VAT1L: variants seen among roughly 807,000 people sequenced by gnomAD.
VAT1L encodes putative NADPH-dependent quinone oxidoreductase VAT1L.
Under a neutral mutation model 44.1 loss-of-function variants are expected in VAT1L, and 34 were observed. The ratio of observed to expected loss-of-function variants is 0.77; its 90% CI spans 0.59 to 1.03. The LOEUF is 1.03. Ranked by LOEUF, VAT1L falls within the 50% of genes least tolerant of loss-of-function variation. The pLI is 0.00. For synonymous variants in VAT1L, 253 were observed against 202.2 expected (o/e 1.25, Z -2.13); for missense variants, 615 against 538.8 (o/e 1.14, Z -1.40).
intron 3 of VAT1L, among the ~76,000 whole-genome samples, chr16:77,841,065 A>G (rs537273450): frequency 6.6e-6 from 1 of 152,306 alleles, no homozygotes; most frequent in Admixed American, 6.5e-5. Flanking sequence ...ATGGCCTTGT[A>G]TGCACCAATA....
intron 2 of VAT1L, among the ~76,000 whole-genome samples, chr16:77,822,475 G>C (rs2016467519): frequency 1.3e-5 from 2 of 152,148 alleles, no homozygotes; most frequent in South Asian, 2.1e-4. Context: ...GTCACCACTA[G>C]TGTGGAGAGC....
chr16:77,887,493 G>T (rs2017220689), intron 7 of VAT1L, among the ~76,000 whole-genome samples: 1 of 152,174 alleles, frequency 6.6e-6, no homozygotes, highest in Non-Finnish European at 1.5e-5. Flanking sequence ...CCTCCCAATG[G>T]AGAAGCTCAG....
rs1307514194 is a variant in VAT1L at position 77,879,091 on chromosome 16, T to C, written c.827-78T>C. 3 of 1,472,250 alleles carry C rather than the reference T, an allele frequency of 2.0e-6. No homozygotes were observed. Among genetic ancestry groups the C allele is most frequent in the Non-Finnish European group, 2.8e-6 (3 of 1,054,358 alleles). The allele number at this position is 1,472,250 out of a possible 1,614,324, so 91.2% of individuals were successfully genotyped here. On this transcript the variant is annotated intron_variant, in intron 5 of 8. Coordinates refer to ENST00000302536, the MANE Select transcript of VAT1L (RefSeq NM_020927.3). The surrounding 1 kb of genome is among the most constrained non-coding windows in gnomAD (Gnocchi z 4.1). ...ATTTCTCCAGTTCCGGACCAAACAA[T>C]TGCCATTTTTTTCATGCATAACAAG... is the stretch of plus-strand genomic sequence containing the variant.
intron 3 of VAT1L, among the ~76,000 whole-genome samples, chr16:77,845,360 C>A (rs1384651197): frequency 6.6e-6 from 1 of 152,160 alleles, no homozygotes; most frequent in Non-Finnish European, 1.5e-5. Context: ...GTGCTCTCCC[C>A]CTCTGTGGGA....
intron 3 of VAT1L, among the ~76,000 whole-genome samples, chr16:77,827,502 A>C (rs73574890): frequency 0.027 from 4,117 of 152,340 alleles, 97 homozygotes; most frequent in African/African-American, 0.061. Flanking sequence ...CTGGGCTTAC[A>C]GATGCTACCG....
intron 1 of VAT1L, among the ~76,000 whole-genome samples, chr16:77,815,521 T>G (rs1369009682): frequency 2.0e-5 from 3 of 152,062 alleles, no homozygotes; most frequent in Non-Finnish European, 4.4e-5. Context: ...AGGTGGTGAG[T>G]TTTGAGCCCA....
At chr16:77,789,032 C>G in intron 1 of VAT1L, 117 bp downstream of exon 1, 1 of 1,257,898 alleles carries the variant, frequency 7.9e-7, no homozygotes, top group East Asian at 2.8e-5. Context: ...GCACCCCCTC[C>G]GCGCCCTCAC....
At chr16:77,934,213 T>C (rs1382397114) in intron 7 of VAT1L, among the ~76,000 whole-genome samples, 2 of 151,990 alleles carry the variant, frequency 1.3e-5, no homozygotes, top group Non-Finnish European at 2.9e-5. Flanking sequence ...AGATTGGACG[T>C]AAAGATTGAG....
chr16:77,947,931 G>A (rs929152918), intron 7 of VAT1L, among the ~76,000 whole-genome samples: 3 of 152,070 alleles, frequency 2.0e-5, no homozygotes, highest in African/African-American at 7.2e-5. Context: ...AGCTAATTTC[G>A]TATTTTTAGT....
chr16:77,907,135 G>T (rs1039935089), intron 7 of VAT1L, among the ~76,000 whole-genome samples: 1 of 152,138 alleles, frequency 6.6e-6, no homozygotes, highest in Non-Finnish European at 1.5e-5. Context: ...CAATTTCCAC[G>T]CTGTAAATAC....
intron 2 of VAT1L, among the ~76,000 whole-genome samples, chr16:77,824,360 G>GC (rs1481057411): frequency 6.6e-6 from 1 of 152,200 alleles, no homozygotes; most frequent in Non-Finnish European, 1.5e-5. Flanking sequence ...GAAACATAGA[G>GC]CTGTCAATGG....
Position 77,832,416 on chromosome 16 carries a change from G to C in VAT1L, c.579+6955G>C, listed in dbSNP as rs139066038. On this transcript the variant is annotated intron_variant, in intron 3 of 8. Coordinates refer to ENST00000302536, the MANE Select transcript of VAT1L (RefSeq NM_020927.3). Reference sequence around the variant, plus strand: ...CTTTCCCTACCATGAGGACAATTTAGAGACAACCTAAAGACAGCTGTAACT... The same window carrying C: ...CTTTCCCTACCATGAGGACAATTTACAGACAACCTAAAGACAGCTGTAACT... Among the ~76,000 whole-genome samples the C allele has an allele frequency of 4.0e-3, 608 of 152,270 alleles. 3 individuals are homozygous for C. The highest frequency in any genetic ancestry group is 0.014 in the African/African-American group (583 of 41,552).
At chr16:77,797,116 C>CT (rs397854984) in intron 1 of VAT1L, among the ~76,000 whole-genome samples, 14,770 of 145,482 alleles carry the variant, frequency 0.1, 744 homozygotes, top group Middle Eastern at 0.13. Context: ...ACCCTTAAAT[C>CT]TTTTTTTTTT....
At chr16:77,897,753 G>C (rs995684187) in intron 7 of VAT1L, among the ~76,000 whole-genome samples, 2 of 152,168 alleles carry the variant, frequency 1.3e-5, no homozygotes, top group African/African-American at 2.4e-5. Flanking sequence ...GGGATTCCAG[G>C]TGTGAGCCAC....
Position 77,878,064 on chromosome 16 carries a change from C to T in VAT1L, c.827-1105C>T, listed in dbSNP as rs1246177404. Among the ~76,000 whole-genome samples the T allele has an allele frequency of 3.3e-5, 5 of 152,262 alleles. No individual in the cohort carries two copies. The East Asian group carries it at 9.6e-4, about 29-fold the overall frequency. On this transcript the variant is annotated intron_variant, in intron 5 of 8. Transcript: ENST00000302536. ...TTCTTGATGTCATTTTGGTGAAATTCAACTTGATTAATCCCATGTGAGTAG... is the reference window on the plus strand; with the variant it reads ...TTCTTGATGTCATTTTGGTGAAATTTAACTTGATTAATCCCATGTGAGTAG...
chr16:77,886,698 A>G (rs973604617), intron 7 of VAT1L, among the ~76,000 whole-genome samples: 5 of 152,232 alleles, frequency 3.3e-5, no homozygotes, highest in African/African-American at 1.2e-4. Flanking sequence ...AAAATACTGA[A>G]GTAAACAATA....
In VAT1L at chr16:77,923,747, C is replaced by A. The variant is rs552323117; in HGVS notation, c.1077+38945C>A. Among the ~76,000 whole-genome samples the A allele has an allele frequency of 2.0e-5, 3 of 152,276 alleles. No homozygotes were observed. The South Asian group carries it at 6.2e-4, about 32-fold the overall frequency. The stretch of plus-strand genomic sequence containing the variant: ...AGTTGGTACCCAGGGTGGCTTCACA[C>A]AGTTTTTGAAAACAAAGTGCCTTCA... On this transcript the variant is annotated intron_variant, in intron 7 of 8. Coordinates refer to ENST00000302536, the MANE Select transcript of VAT1L (RefSeq NM_020927.3).
intron 7 of VAT1L, among the ~76,000 whole-genome samples, chr16:77,946,279 C>CTTTTTTTTTTTTGTTTTTTTTTT (rs2017964131): frequency 1.4e-5 from 1 of 70,426 alleles, no homozygotes; most frequent in Non-Finnish European, 2.5e-5. Flanking sequence ...GTTACTTGTT[C>CTTTTTTTTTTTTGTTTTTTTTTT]TTTTTTTTTT....
intron 3 of VAT1L, among the ~76,000 whole-genome samples, chr16:77,841,142 G>A (rs1300295936): frequency 6.6e-6 from 1 of 152,304 alleles, no homozygotes. Context: ...GTGCAGTAGT[G>A]CAATCGGGGC....
Sources: gnomAD v4.1 joint callset for allele counts (sites outside exome capture counted in the v4.1 genomes callset) on GRCh38, gnomAD v4.1.1 for gene constraint, Gnocchi (gnomAD v3.1) non-coding constraint, MANE v1.5 for transcripts, NCBI Gene and HGNC (gene_info 2026-07-23, HGNC 2026-07-21) for gene names.